Variants in CSMD1 observed in about 807,000 individuals in gnomAD.
CSMD1 encodes CUB and sushi domain-containing protein 1.
A neutral mutation model predicts 417.5 loss-of-function variants in CSMD1; 213 were observed. The observed-to-expected ratio is 0.51, with a 90% CI of 0.46 to 0.57. CSMD1 has a LOEUF of 0.57. Ranked by LOEUF, CSMD1 falls within the 20% of genes least tolerant of loss-of-function variation. The pLI, the probability that CSMD1 is intolerant of heterozygous loss-of-function variation, is 0.00. For synonymous variants in CSMD1, 2,862 were observed against 1,736.8 expected (o/e 1.65, Z -16.11); for missense variants, 6,923 against 4,529.7 (o/e 1.53, Z -15.17).
chr8:4,045,222 T>C (rs1162879187), intron 3 of CSMD1, among the ~76,000 whole-genome samples: 1 of 152,152 alleles, frequency 6.6e-6, no homozygotes, highest in Non-Finnish European at 1.5e-5. Flanking sequence ...TGGGCGACAG[T>C]TGTCCCATTA....
chr8:3,146,624 T>G lies in CSMD1; in HGVS notation c.6032-3950A>C, dbSNP rs149282509. On this transcript the variant is annotated intron_variant, in intron 40 of 69. Transcript: ENST00000635120. The stretch of plus-strand genomic sequence containing the variant: ...AGCTTATGCTGCCAACTGCCTCAGT[T>G]CTTTTGGCTAGAGTTCCCTTGGTCA... Among the ~76,000 whole-genome samples the G allele has an allele frequency of 3.5e-4, 53 of 152,256 alleles. 1 individual carries two copies. The East Asian group carries it at 9.9e-3, about 28-fold the overall frequency.
At chr8:3,081,589 A>G (rs1814100877) in intron 49 of CSMD1, among the ~76,000 whole-genome samples, 1 of 152,216 alleles carries the variant, frequency 6.6e-6, no homozygotes, top group Non-Finnish European at 1.5e-5. Flanking sequence ...TACATTCCCA[A>G]TTATCTCAAT....
intron 3 of CSMD1, among the ~76,000 whole-genome samples, chr8:4,118,343 A>C (rs12155988): frequency 6.6e-6 from 1 of 152,026 alleles, no homozygotes; most frequent in Admixed American, 6.6e-5. Flanking sequence ...AAGCTTTGCA[A>C]TCTACCCATC....
At chr8:4,453,086 G>T (rs573181790) in intron 2 of CSMD1, among the ~76,000 whole-genome samples, 1 of 152,086 alleles carries the variant, frequency 6.6e-6, no homozygotes, top group South Asian at 2.1e-4. Context: ...GCTCTCCTGG[G>T]GCTATAGACA....
At chr8:3,520,881 T>C (rs1176697864) in intron 10 of CSMD1, among the ~76,000 whole-genome samples, 2 of 152,132 alleles carry the variant, frequency 1.3e-5, no homozygotes, top group Non-Finnish European at 2.9e-5. Context: ...GTCACCCTTG[T>C]GTCTAGCACT....
chr8:3,188,765 A>C (rs1258167853), intron 35 of CSMD1, 122 bp downstream of exon 35: 1 of 787,348 alleles, frequency 1.3e-6, no homozygotes, highest in African/African-American at 1.8e-5. Context: ...ACCAGTATAA[A>C]AGGAAAAAAG....
At chr8:4,849,173 A>G (rs995585330) in intron 1 of CSMD1, among the ~76,000 whole-genome samples, 2 of 152,198 alleles carry the variant, frequency 1.3e-5, no homozygotes, top group Non-Finnish European at 1.5e-5. Context: ...ACGTTTTCAA[A>G]AAGTAAAATA....
At chr8:3,829,046 G>A (rs1413468680) in intron 5 of CSMD1, among the ~76,000 whole-genome samples, 14 of 150,370 alleles carry the variant, frequency 9.3e-5, no homozygotes, top group Admixed American at 2.7e-4. Context: ...GTATTTTTCC[G>A]TAAGTTACTG....
intron 1 of CSMD1, among the ~76,000 whole-genome samples, chr8:4,877,196 G>C (rs1169464129): frequency 6.6e-6 from 1 of 151,838 alleles, no homozygotes; most frequent in African/African-American, 2.4e-5. Flanking sequence ...CCCTGAATGA[G>C]TATGCAATGT....
chr8:4,868,145 A>C (rs149685285), intron 1 of CSMD1, among the ~76,000 whole-genome samples: 1 of 152,130 alleles, frequency 6.6e-6, no homozygotes, highest in East Asian at 1.9e-4. Flanking sequence ...TTGAGAAATA[A>C]TGGGTTGATG....
chr8:4,912,799 G>GC (rs1319565338), intron 1 of CSMD1, among the ~76,000 whole-genome samples: 1 of 49,634 alleles, frequency 2.0e-5, no homozygotes, highest in Non-Finnish European at 3.9e-5. Flanking sequence ...TTTTTTTGGA[G>GC]GGGGGGCACA....
chr8:3,834,427 G>A (rs373903874), intron 5 of CSMD1, among the ~76,000 whole-genome samples: 9 of 152,268 alleles, frequency 5.9e-5, no homozygotes, highest in Admixed American at 3.3e-4. Context: ...CCCTGGAAGT[G>A]GGGCAGACTC....
intron 1 of CSMD1, among the ~76,000 whole-genome samples, chr8:4,737,812 G>C (rs1417200304): frequency 1.3e-5 from 2 of 152,164 alleles, no homozygotes; most frequent in Non-Finnish European, 2.9e-5. Flanking sequence ...AGCATCTAAA[G>C]TAATGGGCAG....
chr8:4,320,050 A>G (rs939276902), intron 3 of CSMD1, among the ~76,000 whole-genome samples: 1 of 152,220 alleles, frequency 6.6e-6, no homozygotes, highest in African/African-American at 2.4e-5. Flanking sequence ...AATGAGTAGT[A>G]AACAAAAGAC....
At chr8:4,624,656 G>T (rs933216474) in intron 2 of CSMD1, among the ~76,000 whole-genome samples, 20 of 152,128 alleles carry the variant, frequency 1.3e-4, no homozygotes, top group Non-Finnish European at 1.6e-4. Flanking sequence ...GTGCCCAGCA[G>T]CAGCTGCTCT....
intron 10 of CSMD1, among the ~76,000 whole-genome samples, chr8:3,531,376 G>A (rs1163244772): frequency 6.6e-6 from 1 of 152,086 alleles, no homozygotes; most frequent in Non-Finnish European, 1.5e-5. Context: ...GCTCAGATGT[G>A]TTTTCATTAT....
intron 34 of CSMD1, among the ~76,000 whole-genome samples, chr8:3,189,437 T>C (rs1315942221): frequency 6.6e-6 from 1 of 152,220 alleles, no homozygotes; most frequent in African/African-American, 2.4e-5. Flanking sequence ...AATGTACAAA[T>C]GATTCAAGTG....
intron 2 of CSMD1, among the ~76,000 whole-genome samples, chr8:4,500,061 T>C (rs1421455768): frequency 7.0e-6 from 1 of 143,446 alleles, no homozygotes; most frequent in Non-Finnish European, 1.5e-5. Context: ...GCTGGGAGAA[T>C]ACAATGTGTC....
In CSMD1 at chr8:3,864,329, T is replaced by A. The variant is rs1185853137; in HGVS notation, c.819-110287A>T. Among the ~76,000 whole-genome samples, 3 of 150,884 alleles carry A rather than the reference T, an allele frequency of 2.0e-5. No homozygotes were observed. The South Asian group carries it at 6.3e-4, about 32-fold the overall frequency. On this transcript the variant is annotated intron_variant, in intron 5 of 69. Coordinates refer to ENST00000635120, the MANE Select transcript of CSMD1 (RefSeq NM_033225.6). ...TTTTCCTATGAGAGGACAGTTATGG[T>A]TATGAAAGACGATGCATAGATAACC...
Sources: gnomAD v4.1 joint callset for allele counts (sites outside exome capture counted in the v4.1 genomes callset) on GRCh38, gnomAD v4.1.1 for gene constraint, MANE v1.5 for transcripts, NCBI Gene and HGNC (gene_info 2026-07-23, HGNC 2026-07-21) for gene names.